The following RGS7 variants were observed in gnomAD, a reference collection of about 807,000 sequenced individuals.
The protein encoded by RGS7 is regulator of G-protein signaling 7.
RGS7 carries 27 observed loss-of-function variants against 81.1 expected under a neutral mutation model. That is an observed-to-expected ratio of 0.33 (90% CI 0.25 to 0.46). The LOEUF is 0.46. Ranked by LOEUF, RGS7 falls within the 20% of genes least tolerant of loss-of-function variation. RGS7 has a pLI of 1.00. For missense variants in RGS7, 396 were observed against 607.4 expected (o/e 0.65, Z 3.66); for synonymous variants, 208 against 207.7 (o/e 1.00, Z -0.01).
At chr1:240,966,017 G>A (rs889018017) in intron 4 of RGS7, among the ~76,000 whole-genome samples, 27 of 152,120 alleles carry the variant, frequency 1.8e-4, no homozygotes, top group African/African-American at 6.3e-4. Context: ...GCTCTTCGTC[G>A]TATACCCGAC....
chr1:241,054,968 C>T (rs958338126), intron 3 of RGS7, among the ~76,000 whole-genome samples: 18 of 151,980 alleles, frequency 1.2e-4, no homozygotes, highest in Non-Finnish European at 1.5e-5. Flanking sequence ...TCTGAAAGAC[C>T]CCAGTCTAGT....
intron 2 of RGS7, among the ~76,000 whole-genome samples, chr1:241,176,787 A>C (rs2071181608): frequency 6.6e-6 from 1 of 151,998 alleles, no homozygotes; most frequent in African/African-American, 2.4e-5. Flanking sequence ...AGATGGACAA[A>C]CAGAAGACCA....
At chr1:241,327,067 AGGAAGGAAGGAAG>A (rs2081584386) in intron 2 of RGS7, among the ~76,000 whole-genome samples, 2 of 23,580 alleles carry the variant, frequency 8.5e-5, no homozygotes, top group African/African-American at 3.2e-4. Flanking sequence ...GGAAGAAGGA[AGGAAGGAAGGAAG>A]AGAAAGAAAG....
At chr1:240,899,111 C>CTT (rs199545420) in intron 6 of RGS7, among the ~76,000 whole-genome samples, 9 of 151,838 alleles carry the variant, frequency 5.9e-5, no homozygotes, top group Middle Eastern at 3.4e-3. Flanking sequence ...GCAATCCTTG[C>CTT]TTTTTTTTGT....
chr1:241,330,344 C>T (rs886884684), intron 2 of RGS7, among the ~76,000 whole-genome samples: 11 of 152,136 alleles, frequency 7.2e-5, no homozygotes, highest in Admixed American at 7.2e-4. Context: ...GGGAATATAC[C>T]ACATGATCTA....
intron 2 of RGS7, among the ~76,000 whole-genome samples, chr1:241,254,729 C>T (rs922943922): frequency 5.3e-5 from 8 of 152,266 alleles, no homozygotes; most frequent in African/African-American, 1.9e-4. Flanking sequence ...AAGATGTCAA[C>T]TATTTATTCT....
intron 6 of RGS7, among the ~76,000 whole-genome samples, chr1:240,914,790 C>T (rs1488162412): frequency 6.6e-6 from 1 of 152,016 alleles, no homozygotes; most frequent in Non-Finnish European, 1.5e-5. Context: ...ACCAACAATT[C>T]CTCTGAAATC....
intron 2 of RGS7, among the ~76,000 whole-genome samples, chr1:241,279,692 T>TA (rs1292273323): frequency 1.3e-5 from 2 of 152,230 alleles, no homozygotes; most frequent in Non-Finnish European, 2.9e-5. Flanking sequence ...TTGCCTTTTT[T>TA]ATCACCTTAC....
At chr1:241,217,071 G>T (rs1410391904) in intron 2 of RGS7, among the ~76,000 whole-genome samples, 1 of 152,166 alleles carries the variant, frequency 6.6e-6, no homozygotes, top group Non-Finnish European at 1.5e-5. Flanking sequence ...CTCCAGTGTG[G>T]CTGTATTTGG....
intron 3 of RGS7, among the ~76,000 whole-genome samples, chr1:241,027,267 G>T: frequency 6.6e-6 from 1 of 151,904 alleles, no homozygotes; most frequent in Non-Finnish European, 1.5e-5. Flanking sequence ...GTGGCAGGGA[G>T]TGGGGAGGGA....
chr1:241,138,387 A>G (rs1243189911), intron 2 of RGS7, among the ~76,000 whole-genome samples: 1 of 152,150 alleles, frequency 6.6e-6, no homozygotes, highest in Non-Finnish European at 1.5e-5. Context: ...GAATATCTTC[A>G]GGATCAGGAA....
intron 6 of RGS7, among the ~76,000 whole-genome samples, chr1:240,881,877 A>C (rs1666449063): frequency 6.6e-6 from 1 of 152,136 alleles, no homozygotes; most frequent in African/African-American, 2.4e-5. Flanking sequence ...TACTAGGATA[A>C]GAAAGGTGTA....
At chr1:240,935,175 G>A (rs1039976009) in intron 5 of RGS7, among the ~76,000 whole-genome samples, 4 of 151,908 alleles carry the variant, frequency 2.6e-5, no homozygotes, top group Non-Finnish European at 5.9e-5. Flanking sequence ...TGGGACTACA[G>A]GCATGAGCCA....
intron 6 of RGS7, among the ~76,000 whole-genome samples, chr1:240,873,595 T>C (rs1051775640): frequency 3.3e-5 from 5 of 152,124 alleles, no homozygotes; most frequent in African/African-American, 4.8e-5. Context: ...AGAAACAGAA[T>C]AGAAAGTGAG....
chr1:240,933,787 C>A (rs1676115312), intron 5 of RGS7, among the ~76,000 whole-genome samples: 1 of 151,832 alleles, frequency 6.6e-6, no homozygotes, highest in African/African-American at 2.4e-5. Flanking sequence ...TACATCAGAT[C>A]TCATTTTCAG....
intron 9 of RGS7, among the ~76,000 whole-genome samples, chr1:240,864,244 T>C (rs1400511174): frequency 2.0e-5 from 3 of 152,162 alleles, no homozygotes; most frequent in Non-Finnish European, 4.4e-5. Context: ...AAAGGTATCA[T>C]TACATGATAC....
chr1:240,811,705 G>C (rs948386276), intron 14 of RGS7, among the ~76,000 whole-genome samples: 6 of 152,238 alleles, frequency 3.9e-5, no homozygotes, highest in Non-Finnish European at 8.8e-5. Flanking sequence ...TGGAGATACA[G>C]AGACGGCGTA....
chr1:240,941,499 C>T (rs1234538505), intron 4 of RGS7, among the ~76,000 whole-genome samples: 10 of 151,960 alleles, frequency 6.6e-5, no homozygotes, highest in African/African-American at 1.9e-4. Flanking sequence ...AATCAATGAA[C>T]AAGGACATTT....
intron 3 of RGS7, among the ~76,000 whole-genome samples, chr1:241,086,907 C>T (rs2063483824): frequency 1.3e-5 from 2 of 152,184 alleles, no homozygotes; most frequent in Non-Finnish European, 2.9e-5. Flanking sequence ...AAGTCTGACT[C>T]AGGCTTTACA....
Sources: allele counts gnomAD v4.1 joint callset (sites outside exome capture counted in the v4.1 genomes callset), GRCh38; gene constraint gnomAD v4.1.1; transcripts MANE v1.5; gene names NCBI Gene and HGNC (gene_info 2026-07-23, HGNC 2026-07-21).